Variants in TMC3 observed in about 807,000 individuals in gnomAD.
The protein encoded by TMC3 is transmembrane channel-like protein 3.
Under a neutral mutation model 110.6 loss-of-function variants are expected in TMC3, and 98 were observed. That is an observed-to-expected ratio of 0.89 (90% CI 0.75 to 1.05). The LOEUF is 1.05. Ranked by LOEUF, TMC3 falls within the 50% of genes least tolerant of loss-of-function variation. The pLI is 0.00. For missense variants in TMC3, 1,319 were observed against 1,373.2 expected, an observed-to-expected ratio of 0.96 and a Z score of 0.62; for synonymous variants, 489 against 513.1, an observed-to-expected ratio of 0.95 and a Z score of 0.63.
intron 3 of TMC3, among the ~76,000 whole-genome samples, chr15:81,367,387 T>A (rs1894338315): frequency 6.6e-6 from 1 of 152,320 alleles, no homozygotes; most frequent in East Asian, 1.9e-4. Flanking sequence ...ATGCAATGAC[T>A]GATGTGAAAT....
rs760794480 is a variant in TMC3 at position 81,349,481 on chromosome 15, G to C, written c.1170C>G (p.Thr390=). Residue 390 remains threonine (T), a synonymous_variant, in exon 11 of 22, where the codon ACC becomes ACG. Coordinates refer to ENST00000359440, the MANE Select transcript of TMC3 (RefSeq NM_001080532.3). ...ACCTTGCAAGCTGGAAGCGCAGCGTGGTCCTGGGGTGGTACATCTCTAAGG... is the reference window on the plus strand; with the variant it reads ...ACCTTGCAAGCTGGAAGCGCAGCGTCGTCCTGGGGTGGTACATCTCTAAGG... ...IAALEMYHPR[T]TLRFQLARVL... The C allele has an allele frequency of 5.2e-6, 8 of 1,538,546 alleles. No homozygotes were observed. In the South Asian group the frequency reaches 1.0e-4, roughly 19 times the overall value.
chr15:81,356,487 G>T lies in TMC3; in HGVS notation c.851C>A (p.Ala284Asp). ...TATGGCAGCTGTTTTGCTCTCTGCA[G>T]CCTCTGGGTTTCCAATGAGGTAATC... ...AWDYLIGNPE[A>D]AESKTAAIVN... Residue 284 changes from alanine to aspartate, a missense_variant, in exon 8 of 22, where the codon GCT (alanine) becomes GAT (aspartate). Transcript: ENST00000359440. The T allele has an allele frequency of 6.4e-7, 1 of 1,568,896 alleles. No homozygotes were observed. The highest frequency in any genetic ancestry group is 1.2e-5 in the South Asian group (1 of 85,152).
chr15:81,332,463 C>G lies in TMC3; in HGVS notation c.3259G>C (p.Glu1087Gln), dbSNP rs765330740. 1.9e-6 allele frequency: 3 copies of G among 1,612,240 alleles called. No homozygotes were observed. The highest frequency in any genetic ancestry group is 2.5e-6 in the Non-Finnish European group (3 of 1,179,228). The change falls in exon 22 of 22, where the codon GAG (glutamate) becomes CAG (glutamine). Residue 1087 changes from glutamate (E) to glutamine (Q), a missense_variant. Glu to Gln is a conservative substitution (Grantham distance 29). Transcript: ENST00000359440. ...AAGTCATCCAGATCCACGGTCAGCT[C>G]CTGCCCCGACTTGGCCTTCCTCCTG... Reference protein sequence around the residue: ...PSRRKAKSGQELTVDLDDLIC... With the variant: ...PSRRKAKSGQQLTVDLDDLIC...
At chr15:81,360,765 C>T (rs979866817) in intron 4 of TMC3, among the ~76,000 whole-genome samples, 2 of 152,050 alleles carry the variant, frequency 1.3e-5, no homozygotes, top group African/African-American at 4.8e-5. Flanking sequence ...TGTCAATGGT[C>T]ACTGCCTCTA....
intron 14 of TMC3, 123 bp downstream of exon 14, chr15:81,343,794 T>C (rs1268252232): frequency 1.8e-6 from 2 of 1,083,886 alleles, no homozygotes; most frequent in Non-Finnish European, 2.6e-6. Context: ...ACCCATCTCT[T>C]CCCACTTGTA....
chr15:81,366,687 A>G (rs1165040528), intron 3 of TMC3, among the ~76,000 whole-genome samples: 1 of 152,234 alleles, frequency 6.6e-6, no homozygotes, highest in African/African-American at 2.4e-5. Flanking sequence ...ACTCCATCAT[A>G]GTGTGGCAGG....
At chr15:81,353,899 G>A (rs1211984211) in intron 9 of TMC3, among the ~76,000 whole-genome samples, 1 of 152,172 alleles carries the variant, frequency 6.6e-6, no homozygotes, top group Non-Finnish European at 1.5e-5. Context: ...ATATATGGAT[G>A]CTTCATAAAT....
intron 21 of TMC3, among the ~76,000 whole-genome samples, chr15:81,333,688 TATTAA>T (rs1364159287): frequency 2.6e-5 from 4 of 152,132 alleles, no homozygotes; most frequent in Admixed American, 6.5e-5. Flanking sequence ...GAGTTGTACA[TATTAA>T]ACAGTTCTTC....
Position 81,343,990 on chromosome 15 carries a change from A to C in TMC3, c.1574T>G (p.Leu525Arg). Residue 525 changes from leucine to arginine, a missense_variant, in exon 14 of 22, where the codon CTC becomes CGC. Physicochemically the swap from Leu to Arg is moderately radical, Grantham distance 102. Transcript: ENST00000359440. The stretch of plus-strand genomic sequence containing the variant: ...GAAAAGTCCTCGGAAGAAGTCTATG[A>C]GCAGAATGCTCGCCACGGTGAAGAG... The part of the protein sequence containing the change: ...DMLFTVASIL[L>R]IDFFRGLFVR... 6.2e-7 allele frequency: 1 copy of C among 1,613,304 alleles called. No individual in the cohort carries two copies. Among genetic ancestry groups the C allele is most frequent in the Non-Finnish European group, 8.5e-7 (1 of 1,179,546 alleles).
rs201479309 is a variant in TMC3, at chr15:81,359,454, C to T, written c.412G>A (p.Val138Ile). The change falls in exon 5 of 22, where the codon GTT becomes ATT. Residue 138 changes from valine (V) to isoleucine (I), a missense_variant. Coordinates refer to ENST00000359440, the MANE Select transcript of TMC3 (RefSeq NM_001080532.3). ...CTCAAGAATATGAAATAGGAGGCAA[C>T]GCCAGATCCAAAATGACCTAAAGAA... ...KKIESHFGSG[V>I]ASYFIFLRWL... 3.8e-5 allele frequency: 61 copies of T among 1,595,760 alleles called. 1 individual carries two copies. Among genetic ancestry groups the T allele is most frequent in the African/African-American group, 1.9e-4 (14 of 74,462 alleles).
chr15:81,343,650 C>T (rs1489638095), intron 14 of TMC3, among the ~76,000 whole-genome samples: 1 of 151,456 alleles, frequency 6.6e-6, no homozygotes, highest in African/African-American at 2.4e-5. Flanking sequence ...ACTAGCTGGG[C>T]ATGGTGGCAT....
chr15:81,363,250 CA>C (rs61360425), intron 3 of TMC3, among the ~76,000 whole-genome samples: 49,691 of 125,110 alleles, frequency 0.4, 9,589 homozygotes, highest in African/African-American at 0.59. Flanking sequence ...GACTCCGTCT[CA>C]AAAAAAAAAA....
intron 12 of TMC3, among the ~76,000 whole-genome samples, chr15:81,345,233 G>T (rs960258919): frequency 4.6e-5 from 7 of 152,184 alleles, no homozygotes; most frequent in Non-Finnish European, 8.8e-5. Context: ...TCCCTAGTAA[G>T]GGTCAGAAAC....
intron 15 of TMC3, 117 bp from the exon 16 acceptor site, chr15:81,341,635 A>G: frequency 8.6e-7 from 1 of 1,160,886 alleles, no homozygotes. Context: ...CCCTAAGCTT[A>G]AAGGACTGGA....
intron 14 of TMC3, 97 bp downstream of exon 14, chr15:81,343,820 T>TC: frequency 7.5e-7 from 1 of 1,337,198 alleles, no homozygotes; most frequent in African/African-American, 1.5e-5. Flanking sequence ...TTTCCGTGTG[T>TC]CCCCCTCAAC....
chr15:81,350,145 G>A (rs58118936), intron 10 of TMC3, among the ~76,000 whole-genome samples: 1 of 151,624 alleles, frequency 6.6e-6, no homozygotes, highest in Non-Finnish European at 1.5e-5. Context: ...TGTGGCAGAA[G>A]AATTTCTTGA....
rs551103491 is a variant in TMC3, at chr15:81,348,866, C to CA, written c.1193+591dup. ...CGCTTTTGTTGCCCAGGCTGGAGTG[C>CA]AGTGGTGTGATCTTGGCTCACCGCA... On this transcript the variant is annotated intron_variant, in intron 11 of 21. Coordinates refer to ENST00000359440, the MANE Select transcript of TMC3 (RefSeq NM_001080532.3). Among the ~76,000 whole-genome samples, 449 of 152,308 alleles carry CA rather than the reference C, an allele frequency of 2.9e-3. 1 individual carries two copies. Among genetic ancestry groups the CA allele is most frequent in the South Asian group, 6.2e-3 (30 of 4,824 alleles).
At chr15:81,350,971 T>C (rs1241228657) in intron 10 of TMC3, among the ~76,000 whole-genome samples, 1 of 152,240 alleles carries the variant, frequency 6.6e-6, no homozygotes, top group Non-Finnish European at 1.5e-5. Context: ...GTCATTTAGA[T>C]ATTCAGAAAC....
rs529800791 is a variant in TMC3, at chr15:81,364,418, A to G, written c.313-2117T>C. On this transcript the variant is annotated intron_variant, in intron 3 of 21. Transcript: ENST00000359440. ...CAAATCTCCACAGCAAAAGCCTTGA[A>G]ACAGGAATAATTCAAAATTTAAGAA... Among the ~76,000 whole-genome samples, 135 of 152,150 alleles carry G rather than the reference A, an allele frequency of 8.9e-4. 1 individual carries two copies. The highest frequency in any genetic ancestry group is 3.2e-3 in the African/African-American group (131 of 41,526).
Sources: allele counts gnomAD v4.1 joint callset (sites outside exome capture counted in the v4.1 genomes callset), GRCh38; gene constraint gnomAD v4.1.1; transcripts MANE v1.5; gene names NCBI Gene and HGNC (gene_info 2026-07-23, HGNC 2026-07-21).